NUGGC: variants seen among roughly 807,000 people sequenced by gnomAD.
NUGGC encodes nuclear GTPase SLIP-GC.
A neutral mutation model predicts 92.6 loss-of-function variants in NUGGC; 58 were observed. The ratio of observed to expected loss-of-function variants is 0.63; its 90% CI spans 0.51 to 0.78. NUGGC has a LOEUF of 0.78. Among genes scored for constraint, NUGGC ranks in the 30% least tolerant of loss-of-function variants. NUGGC has a pLI of 0.00. For synonymous variants in NUGGC, 376 were observed against 366.4 expected (o/e 1.03, Z -0.30); for missense variants, 925 against 964.6 (o/e 0.96, Z 0.54).
At chr8:28,074,043 C>T (rs934846186) in intron 2 of NUGGC, among the ~76,000 whole-genome samples, 8 of 151,914 alleles carry the variant, frequency 5.3e-5, no homozygotes, top group African/African-American at 1.9e-4. Context: ...ATGTGATCCA[C>T]CCGCCTCAGC....
In NUGGC at chr8:28,045,598, T is replaced by G. The variant is rs1168544060; in HGVS notation, c.1375A>C (p.Thr459Pro). 1 of 1,613,108 alleles carries G rather than the reference T, an allele frequency of 6.2e-7. No homozygotes were observed. The highest frequency in any genetic ancestry group is 1.3e-5 in the African/African-American group (1 of 74,910). ...SLLDKKKRTV[T>P]KYVTEAFGLL... ...CCAAAGGCTTCAGTCACATACTTGGTCACTGTCCTCTTCTTCTTGTCCAAG... is the reference window on the plus strand; with the variant it reads ...CCAAAGGCTTCAGTCACATACTTGGGCACTGTCCTCTTCTTCTTGTCCAAG... Residue 459 changes from threonine to proline, a missense_variant, in exon 12 of 19, where the codon ACC becomes CCC. By Grantham distance (38) the Thr-to-Pro change is conservative (BLOSUM62 -1). Transcript: ENST00000413272.
At chr8:28,051,491 A>G (rs933510232) in intron 10 of NUGGC, among the ~76,000 whole-genome samples, 3 of 152,244 alleles carry the variant, frequency 2.0e-5, no homozygotes, top group Admixed American at 6.5e-5. Flanking sequence ...CCACTTGGGC[A>G]AGTCCTAAAA....
intron 10 of NUGGC, among the ~76,000 whole-genome samples, 179 bp downstream of exon 10, chr8:28,055,786 T>C (rs1020435709): frequency 6.6e-6 from 1 of 152,106 alleles, no homozygotes; most frequent in Non-Finnish European, 1.5e-5. Context: ...TGAGTCAAGA[T>C]CACACCGCTG....
At chr8:28,082,515 T>TAA (rs1810875547) in intron 1 of NUGGC, among the ~76,000 whole-genome samples, 1 of 152,236 alleles carries the variant, frequency 6.6e-6, no homozygotes, top group Non-Finnish European at 1.5e-5. Context: ...GAATGATTAA[T>TAA]GACTTGCCTA....
intron 9 of NUGGC, among the ~76,000 whole-genome samples, chr8:28,056,663 A>T (rs1038464882): frequency 6.6e-5 from 10 of 152,196 alleles, no homozygotes; most frequent in African/African-American, 2.4e-4. Context: ...GGTGTCATGA[A>T]TACATAAAAT....
chr8:28,032,311 A>G (rs1018644601), intron 14 of NUGGC, among the ~76,000 whole-genome samples: 1 of 152,220 alleles, frequency 6.6e-6, no homozygotes, highest in Non-Finnish European at 1.5e-5. Context: ...AGGCTGGAGA[A>G]TGGTTCAAGC....
In NUGGC at chr8:28,030,399, C is replaced by A. The variant is rs1182781026; in HGVS notation, c.1928G>T (p.Gly643Val). Reference sequence around the variant, plus strand: ...CCTTCTGAGGATGTGGTCCTCCAGGCCCCCGAGGATGGCACTTATCTGGGA... The same window carrying A: ...CCTTCTGAGGATGTGGTCCTCCAGGACCCCGAGGATGGCACTTATCTGGGA... Reference protein sequence around the residue: ...LIQEISAILGGLEDHILRRKR... With the variant: ...LIQEISAILGVLEDHILRRKR... The change falls in exon 16 of 19, where the codon GGC (glycine) becomes GTC (valine). Residue 643 changes from glycine (G) to valine (V), a missense_variant. Coordinates refer to ENST00000413272, the MANE Select transcript of NUGGC (RefSeq NM_001010906.2). 3 of 1,570,594 alleles carry A rather than the reference C, an allele frequency of 1.9e-6. No homozygotes were observed. Among genetic ancestry groups the A allele is most frequent in the South Asian group, 1.2e-5 (1 of 85,506 alleles).
chr8:28,046,320 C>T (rs1182109547), intron 11 of NUGGC, among the ~76,000 whole-genome samples: 4 of 152,180 alleles, frequency 2.6e-5, no homozygotes, highest in African/African-American at 9.7e-5. Context: ...CCTTAACCTC[C>T]ATTCACATAC....
intron 17 of NUGGC, 32 bp downstream of exon 17, chr8:28,029,234 G>A: frequency 6.3e-7 from 1 of 1,589,842 alleles, no homozygotes; most frequent in South Asian, 1.1e-5. Context: ...AGCCTCTCGG[G>A]GTCTAGGATC....
rs775279258 is a variant in NUGGC, at chr8:28,033,539, C to T, written c.1769+1G>A. 10 of 1,612,470 alleles carry T rather than the reference C, an allele frequency of 6.2e-6. No homozygotes were observed. In the Admixed American group the frequency reaches 8.4e-5, roughly 14 times the overall value. ...AAGGTGCAAGATGAGAGATCCTTTACCTAAAAATGCTTCCAAAAACAGGGT... is the reference window on the plus strand; with the variant it reads ...AAGGTGCAAGATGAGAGATCCTTTATCTAAAAATGCTTCCAAAAACAGGGT... On this transcript the variant is annotated splice_donor_variant, in intron 14 of 18. Transcript: ENST00000413272. LOFTEE classifies it high-confidence loss of function.
chr8:28,033,656 A>G lies in NUGGC; in HGVS notation c.1653T>C (p.Ala551=), dbSNP rs770258518. 1 of 1,614,000 alleles carries G rather than the reference A, an allele frequency of 6.2e-7. No individual in the cohort carries two copies. Among genetic ancestry groups the G allele is most frequent in the Admixed American group, 1.7e-5 (1 of 60,026 alleles). Residue 551 remains alanine, a synonymous_variant, in exon 14 of 19, where the codon GCT becomes GCC. Transcript: ENST00000413272. ...GNQGFHQTLK[A]VCLKNGIYAS... is the part of the protein sequence containing the mutation. ...CATAGATGCCATTTTTCAGGCAAAC[A>G]GCTTTCAGGGTCTGATGAAAACCTT...
At chr8:28,042,874 T>A (rs1364441126) in intron 12 of NUGGC, among the ~76,000 whole-genome samples, 2 of 152,220 alleles carry the variant, frequency 1.3e-5, no homozygotes, top group Non-Finnish European at 2.9e-5. Flanking sequence ...TGATTTAACT[T>A]CTCTGATTCT....
rs1249372621 is a variant in NUGGC, at chr8:28,074,285, A to G, written c.43+83T>C. 4 of 943,256 alleles carry G rather than the reference A, an allele frequency of 4.2e-6. No individual in the cohort carries two copies. In the East Asian group the frequency reaches 9.8e-5, roughly 23 times the overall value. 58.4% of individuals were successfully genotyped at this position (943,256 alleles called of 1,614,324 possible). ...TAAGGAACAATGACAACAGTGAAAT[A>G]TAGTCCCAACCTATTTGCCTTTTAT... On this transcript the variant is annotated intron_variant, in intron 2 of 18. Coordinates refer to ENST00000413272, the MANE Select transcript of NUGGC (RefSeq NM_001010906.2).
At chr8:28,048,673 C>G (rs1056859232) in intron 10 of NUGGC, among the ~76,000 whole-genome samples, 2 of 151,922 alleles carry the variant, frequency 1.3e-5, no homozygotes, top group African/African-American at 4.8e-5. Context: ...ACCAGCCTGG[C>G]CAATATGGTG....
intron 18 of NUGGC, among the ~76,000 whole-genome samples, chr8:28,024,749 T>C (rs1809213879): frequency 6.6e-6 from 1 of 152,150 alleles, no homozygotes; most frequent in South Asian, 2.1e-4. Flanking sequence ...CTGTCCCATA[T>C]CTGGAAGGCC....
At chr8:28,060,339 A>G in intron 8 of NUGGC, 87 bp downstream of exon 8, 1 of 1,321,490 alleles carries the variant, frequency 7.6e-7, no homozygotes, top group Non-Finnish European at 1.1e-6. Context: ...ACCACGTTAC[A>G]AAGTCAAGCT....
intron 16 of NUGGC, among the ~76,000 whole-genome samples, chr8:28,029,807 A>G (rs1246579097): frequency 1.3e-5 from 2 of 152,118 alleles, no homozygotes; most frequent in Admixed American, 6.6e-5. Context: ...AGCCAAGCAA[A>G]CAAACAAACA....
chr8:28,056,649 A>T (rs563411800), intron 9 of NUGGC, among the ~76,000 whole-genome samples: 3 of 152,254 alleles, frequency 2.0e-5, no homozygotes, highest in Admixed American at 2.0e-4. Flanking sequence ...AAAATTAACA[A>T]AAAGGTGTCA....
intron 6 of NUGGC, 102 bp from the exon 7 acceptor site, chr8:28,064,833 T>C: frequency 1.0e-6 from 1 of 952,952 alleles, no homozygotes; most frequent in Non-Finnish European, 1.6e-6. Context: ...TGAGTAAGGG[T>C]AAGAAGTGCG....
Sources: gnomAD v4.1 joint callset for allele counts (sites outside exome capture counted in the v4.1 genomes callset) on GRCh38, gnomAD v4.1.1 for gene constraint, MANE v1.5 for transcripts, NCBI Gene and HGNC (gene_info 2026-07-23, HGNC 2026-07-21) for gene names.